The following NFATC2 variants were observed in gnomAD, a reference collection of about 807,000 sequenced individuals.
The protein encoded by NFATC2 is nuclear factor of activated T cells 2.
NFATC2 carries 22 observed loss-of-function variants against 87.3 expected under a neutral mutation model. The observed-to-expected ratio is 0.25, with a 90% CI of 0.18 to 0.36. NFATC2 has a LOEUF of 0.36. NFATC2 is among the 10% of genes least tolerant of loss of function. The probability of loss-of-function intolerance (pLI) is 1.00; values close to 1 mark genes in which losing one functional copy is unlikely to be tolerated. For synonymous variants in NFATC2, 565 were observed against 542.2 expected, an observed-to-expected ratio of 1.04 and a Z score of -0.58; for missense variants, 1,149 against 1,259.1, an observed-to-expected ratio of 0.91 and a Z score of 1.32.
intron 6 of NFATC2, among the ~76,000 whole-genome samples, chr20:51,442,915 GC>G (rs1984561314): frequency 6.6e-6 from 1 of 152,078 alleles, no homozygotes; most frequent in Non-Finnish European, 1.5e-5. Flanking sequence ...GGGAGGCAGG[GC>G]CGAACATTCC....
chr20:51,538,347 C>T (rs1273883405), intron 1 of NFATC2, among the ~76,000 whole-genome samples: 1 of 151,694 alleles, frequency 6.6e-6, no homozygotes, highest in East Asian at 1.9e-4. Context: ...CTAAAAAAGC[C>T]TTTGATATAA....
chr20:51,437,085 C>T lies in NFATC2; in HGVS notation c.1850-1324G>A, dbSNP rs1568976281. Among the ~76,000 whole-genome samples the T allele has an allele frequency of 2.0e-5, 3 of 150,590 alleles. No individual in the cohort carries two copies. The South Asian group carries it at 6.3e-4, about 32-fold the overall frequency. ...CCTGTCCAGAAGCAGAACACTACTCCCCCAGTTTGGGGCCAAGAAGTTGGG... is the reference window on the plus strand; with the variant it reads ...CCTGTCCAGAAGCAGAACACTACTCTCCCAGTTTGGGGCCAAGAAGTTGGG... On this transcript the variant is annotated intron_variant, in intron 6 of 10. Transcript: ENST00000371564.
chr20:51,546,985 G>A (rs1465799785), upstream of NFATC2, among the ~76,000 whole-genome samples: 1 of 152,200 alleles, frequency 6.6e-6, no homozygotes, highest in African/African-American at 2.4e-5. Flanking sequence ...GGTGCTCAGG[G>A]AAGGATGAGA....
At chr20:51,557,716 T>A (rs972020905) in intron 1 of NFATC2, among the ~76,000 whole-genome samples, 1 of 152,166 alleles carries the variant, frequency 6.6e-6, no homozygotes, top group Admixed American at 6.5e-5. Context: ...GCTGTGGTCC[T>A]AACAAGCCAC....
At chr20:51,459,390 G>C (rs903423526) in intron 5 of NFATC2, among the ~76,000 whole-genome samples, 16 of 152,134 alleles carry the variant, frequency 1.1e-4, no homozygotes, top group East Asian at 1.9e-4. Context: ...GGGCTCACTG[G>C]GGGGTGGAAA....
At chr20:51,494,406 C>A (rs2075953349) in intron 3 of NFATC2, among the ~76,000 whole-genome samples, 1 of 152,130 alleles carries the variant, frequency 6.6e-6, no homozygotes. Context: ...ATTTTACTTT[C>A]AAGTGGAAAT....
chr20:51,503,125 G>C (rs2076118021), intron 3 of NFATC2, among the ~76,000 whole-genome samples: 1 of 152,176 alleles, frequency 6.6e-6, no homozygotes, highest in Non-Finnish European at 1.5e-5. Flanking sequence ...GATGTCCAGA[G>C]AACCAATGGC....
chr20:51,542,686 G>A lies in NFATC2; in HGVS notation c.-187C>T, dbSNP rs2076841084. The A allele has an allele frequency of 8.8e-7, 1 of 1,138,496 alleles. No homozygotes were observed. The highest frequency in any genetic ancestry group is 1.6e-5 in the African/African-American group (1 of 60,678). The allele number at this position is 1,138,496 out of a possible 1,614,324, so 70.5% of individuals were successfully genotyped here. The stretch of plus-strand genomic sequence containing the variant: ...TCCTGGACGCGCCCGGGGAAGCTGA[G>A]CGGCGGCGGCGACGGCGGCGCGAGC... On this transcript the variant is annotated 5_prime_UTR_variant, in exon 1 of 11. Transcript: ENST00000371564.
intron 3 of NFATC2, among the ~76,000 whole-genome samples, chr20:51,485,532 A>ATT (rs35854188): frequency 9.9e-4 from 147 of 148,440 alleles, no homozygotes; most frequent in Non-Finnish European, 6.1e-4. Flanking sequence ...TTTCTTGTTG[A>ATT]TTTTTTTTTT....
At chr20:51,537,160 G>C (rs778776456) in intron 1 of NFATC2, among the ~76,000 whole-genome samples, 1 of 151,818 alleles carries the variant, frequency 6.6e-6, no homozygotes, top group South Asian at 2.1e-4. Flanking sequence ...TTAGGGAATG[G>C]GACACAGAAG....
chr20:51,513,770 G>A (rs2076308462), intron 3 of NFATC2, among the ~76,000 whole-genome samples: 1 of 152,242 alleles, frequency 6.6e-6, no homozygotes, highest in African/African-American at 2.4e-5. Context: ...CTGAGAATCA[G>A]GATTTAGCTC....
At position 51,398,720 on chromosome 20, in the gene NFATC2, G is replaced by A. The variant is rs752632497; in HGVS notation, c.2733C>T (p.Asp911=). ...DQTYLDDELI[D]THLSWIQNIL ...TGTTTTGTATCCAGCTAAGGTGTGTGTCTATCAGCTCTGAAAAAGATTTGC... is the reference window on the plus strand; with the variant it reads ...TGTTTTGTATCCAGCTAAGGTGTGTATCTATCAGCTCTGAAAAAGATTTGC... Residue 911 remains aspartate (D), a synonymous_variant, in exon 10 of 11, where the codon GAC becomes GAT. Coordinates refer to ENST00000371564, the MANE Select transcript of NFATC2 (RefSeq NM_012340.5). 23 of 1,610,100 alleles carry A rather than the reference G, an allele frequency of 1.4e-5. No homozygotes were observed. Among genetic ancestry groups the A allele is most frequent in the Non-Finnish European group, 1.7e-5 (20 of 1,177,238 alleles).
Position 51,542,313 on chromosome 20 carries a change from C to G in NFATC2, c.130+57G>C, listed in dbSNP as rs1297600888. The G allele has an allele frequency of 1.9e-6, 3 of 1,567,290 alleles. No homozygotes were observed. In the Admixed American group the frequency reaches 5.8e-5, roughly 30 times the overall value. ...GCCAAGAGGACTCCTGTGCCCAGTC[C>G]CCAGGCCTGAGCCCCTGGCGGGCTC... is the stretch of plus-strand genomic sequence containing the variant. On this transcript the variant is annotated intron_variant, in intron 1 of 10. Transcript: ENST00000371564.
intron 1 of NFATC2, among the ~76,000 whole-genome samples, chr20:51,534,358 G>A (rs545194883): frequency 5.2e-4 from 79 of 152,338 alleles, no homozygotes; most frequent in Admixed American, 9.8e-4. Context: ...TTTTGAGACA[G>A]AGTCTCACTC....
At chr20:51,408,573 A>G (rs113590178) in intron 9 of NFATC2, among the ~76,000 whole-genome samples, 3 of 151,740 alleles carry the variant, frequency 2.0e-5, no homozygotes, top group Admixed American at 6.6e-5. Context: ...TGGGAAAGAT[A>G]TTTACAACAC....
At chr20:51,441,138 C>T (rs147098065) in intron 6 of NFATC2, among the ~76,000 whole-genome samples, 55 of 152,110 alleles carry the variant, frequency 3.6e-4, no homozygotes, top group Non-Finnish European at 6.5e-4. Flanking sequence ...CAAAAATTAG[C>T]GAGGCATGGT....
intron 3 of NFATC2, among the ~76,000 whole-genome samples, chr20:51,500,307 A>T (rs994637668): frequency 1.2e-4 from 18 of 152,148 alleles, no homozygotes; most frequent in South Asian, 2.1e-4. Context: ...TTTAAAAAAA[A>T]TTTTTAATAG....
chr20:51,527,858 T>C (rs2076570026), intron 1 of NFATC2, among the ~76,000 whole-genome samples: 1 of 152,080 alleles, frequency 6.6e-6, no homozygotes, highest in Admixed American at 6.6e-5. Flanking sequence ...CCCAACCGTT[T>C]GGGAGACAGA....
At chr20:51,415,186 C>T (rs1600687098) in intron 9 of NFATC2, among the ~76,000 whole-genome samples, 1 of 148,054 alleles carries the variant, frequency 6.8e-6, no homozygotes, top group Non-Finnish European at 1.5e-5. Flanking sequence ...TTTGAGGCTG[C>T]AGTGAGCCAT....
Sources: allele counts gnomAD v4.1 joint callset (sites outside exome capture counted in the v4.1 genomes callset), GRCh38; gene constraint gnomAD v4.1.1; transcripts MANE v1.5; gene names NCBI Gene and HGNC (gene_info 2026-07-23, HGNC 2026-07-21).